The following PACRG variants were observed in gnomAD, a reference collection of about 807,000 sequenced individuals.
PACRG encodes the protein parkin coregulated, also known as parkin coregulated gene protein.
A neutral mutation model predicts 29.7 loss-of-function variants in PACRG; 29 were observed. That is an observed-to-expected ratio of 0.98 (90% CI 0.73 to 1.33). The LOEUF is 1.33. Among genes scored for constraint, PACRG ranks in the 40% most tolerant of loss-of-function variants. The pLI is 0.00. For missense variants in PACRG, 279 were observed against 316.2 expected (o/e 0.88, Z 0.89); for synonymous variants, 116 against 118.7 (o/e 0.98, Z 0.15).
intron 2 of PACRG, among the ~76,000 whole-genome samples, chr6:162,958,858 T>C (rs1379224391): frequency 4.2e-5 from 2 of 47,368 alleles, no homozygotes; most frequent in South Asian, 8.6e-4. Context: ...AGCATATATA[T>C]ATATATATAT....
intron 4 of PACRG, among the ~76,000 whole-genome samples, chr6:163,131,981 C>G (rs1278592731): frequency 6.6e-6 from 1 of 152,150 alleles, no homozygotes; most frequent in Non-Finnish European, 1.5e-5. Flanking sequence ...CATCTTCAAA[C>G]TACTGCGTAG....
intron 4 of PACRG, among the ~76,000 whole-genome samples, chr6:163,200,899 A>T (rs1203365245): frequency 6.6e-6 from 1 of 152,186 alleles, no homozygotes. Flanking sequence ...CACCACCGGC[A>T]TTCCTGGGCC....
chr6:162,909,337 A>C (rs528891148), intron 2 of PACRG, among the ~76,000 whole-genome samples: 56 of 151,916 alleles, frequency 3.7e-4, no homozygotes, highest in African/African-American at 1.2e-3. Context: ...GGGCGAATCA[A>C]GAGGTCAGGA....
At chr6:163,045,463 TAC>T (rs1809238292) in intron 2 of PACRG, among the ~76,000 whole-genome samples, 1 of 152,134 alleles carries the variant, frequency 6.6e-6, no homozygotes, top group African/African-American at 2.4e-5. Flanking sequence ...TAGCTGGGAT[TAC>T]AGGCGCCCGT....
chr6:163,190,362 G>C (rs1439881850), intron 4 of PACRG: 1 of 152,202 alleles, frequency 6.6e-6, no homozygotes, highest in Admixed American at 6.5e-5. Flanking sequence ...AGTCAACCTT[G>C]AGCAACGTTG....
chr6:162,844,486 C>T (rs1790167322), intron 2 of PACRG, among the ~76,000 whole-genome samples: 1 of 152,204 alleles, frequency 6.6e-6, no homozygotes, highest in South Asian at 2.1e-4. Context: ...CTGACCTGTG[C>T]CCACTTTCTG....
intron 2 of PACRG, among the ~76,000 whole-genome samples, chr6:162,957,994 C>A (rs7771379): frequency 0.099 from 15,072 of 152,128 alleles, 996 homozygotes; most frequent in East Asian, 0.26. Context: ...AACATTTTTT[C>A]ACTAATGATA....
chr6:162,924,419 A>T (rs1486866827), intron 2 of PACRG, among the ~76,000 whole-genome samples: 1 of 151,964 alleles, frequency 6.6e-6, no homozygotes, highest in Non-Finnish European at 1.5e-5. Context: ...GACTTCCAGT[A>T]CTCTATTGAA....
intron 4 of PACRG, among the ~76,000 whole-genome samples, chr6:163,159,302 A>G (rs1314798410): frequency 1.3e-5 from 2 of 148,404 alleles, no homozygotes; most frequent in African/African-American, 2.4e-5. Flanking sequence ...TATATGTTAT[A>G]TAATATATAA....
At chr6:162,950,369 G>T (rs753351551) in intron 2 of PACRG, among the ~76,000 whole-genome samples, 1 of 152,096 alleles carries the variant, frequency 6.6e-6, no homozygotes, top group Non-Finnish European at 1.5e-5. Context: ...TTAGCCGGGC[G>T]TGGTGGCGAG....
chr6:163,177,709 G>GTTTTTTTTTTTTTTTTTT (rs1562951194), intron 4 of PACRG, among the ~76,000 whole-genome samples: 1 of 33,648 alleles, frequency 3.0e-5, no homozygotes, highest in East Asian at 8.1e-4. Flanking sequence ...TTAGAAAAGG[G>GTTTTTTTTTTTTTTTTTT]ATTTTTTTTT....
chr6:163,093,553 T>C (rs1814306929), intron 4 of PACRG, among the ~76,000 whole-genome samples: 3 of 152,300 alleles, frequency 2.0e-5, no homozygotes, highest in Non-Finnish European at 4.4e-5. Context: ...TTAAAGCTTT[T>C]ACAGCTGGAA....
chr6:163,257,239 A>G (rs1045578597), intron 4 of PACRG, among the ~76,000 whole-genome samples: 1 of 151,958 alleles, frequency 6.6e-6, no homozygotes, highest in Admixed American at 6.6e-5. Context: ...AACCCCGTAC[A>G]TGTTGAGTTG....
chr6:163,031,820 A>G (rs568108147), intron 2 of PACRG, among the ~76,000 whole-genome samples: 75 of 152,278 alleles, frequency 4.9e-4, no homozygotes, highest in Non-Finnish European at 8.7e-4. Context: ...GACCTGTTAG[A>G]AAGTGACATT....
At chr6:163,066,348 C>G (rs1283764739) in intron 3 of PACRG, among the ~76,000 whole-genome samples, 1 of 152,186 alleles carries the variant, frequency 6.6e-6, no homozygotes, top group African/African-American at 2.4e-5. Context: ...GCAGTGACTG[C>G]AGTATCCCTC....
At chr6:163,095,540 G>T in intron 4 of PACRG, 1 of 697,456 alleles carries the variant, frequency 1.4e-6, no homozygotes, top group Non-Finnish European at 1.8e-6. Context: ...TAAAGATCAA[G>T]GTGTGGACAG....
intron 2 of PACRG, among the ~76,000 whole-genome samples, chr6:162,851,236 T>A (rs1389377310): frequency 1.3e-5 from 2 of 152,146 alleles, no homozygotes; most frequent in Admixed American, 6.5e-5. Context: ...TGCCCAGCTC[T>A]CTCTCCTGTC....
At chr6:163,007,336 C>G (rs1487013428) in intron 2 of PACRG, among the ~76,000 whole-genome samples, 2 of 152,048 alleles carry the variant, frequency 1.3e-5, no homozygotes, top group Non-Finnish European at 2.9e-5. Context: ...TTTCTATTTT[C>G]CCATATAGTT....
chr6:162,814,386 C>CA, intron 2 of PACRG, 105 bp downstream of exon 2: 1 of 1,424,822 alleles, frequency 7.0e-7, no homozygotes, highest in Non-Finnish European at 9.6e-7. Flanking sequence ...AGTCATTTCT[C>CA]AGCACATGGA....
Sources: allele counts gnomAD v4.1 joint callset (sites outside exome capture counted in the v4.1 genomes callset), GRCh38; gene constraint gnomAD v4.1.1; transcripts MANE v1.5; gene names NCBI Gene and HGNC (gene_info 2026-07-23, HGNC 2026-07-21).